The following TTN variants were observed in gnomAD, a reference collection of about 807,000 sequenced individuals.
The protein encoded by TTN is connectin.
A neutral mutation model predicts 3,223.0 loss-of-function variants in TTN; 1,525 were observed. That is an observed-to-expected ratio of 0.47 (90% CI 0.45 to 0.49). The LOEUF is 0.49. TTN is among the 20% of genes least tolerant of loss of function. The pLI is 0.00. For synonymous variants in TTN, 14,094 were observed against 15,161.0 expected (o/e 0.93, Z 5.17); for missense variants, 40,786 against 43,424.0 (o/e 0.94, Z 5.40).
At chr2:178,670,479 C>T (rs929548137) in intron 156 of TTN, among the ~76,000 whole-genome samples, 184 bp from the exon 157 acceptor site, 8 of 151,796 alleles carry the variant, frequency 5.3e-5, no homozygotes, top group Admixed American at 4.6e-4. Flanking sequence ...AACAAAAATC[C>T]AGGGAAATTT....
chr2:178,695,277 ACATTG>A, intron 115 of TTN, 66 bp downstream of exon 115: 6 of 1,225,354 alleles, frequency 4.9e-6, no homozygotes, highest in Non-Finnish European at 7.1e-6. Context: ...GCTGATTTAT[ACATTG>A]CTGCCAAACA....
rs752678561 is a variant in TTN, at chr2:178,738,195, T to C, written c.14258A>G (p.Tyr4753Cys). 2.5e-6 allele frequency: 4 copies of C among 1,613,628 alleles called. No individual in the cohort carries two copies. Among genetic ancestry groups the C allele is most frequent in the South Asian group, 1.1e-5 (1 of 91,084 alleles). ...SDKCSIRSSK[Y>C]ISSLEILRTQ... ...TCTCAGGATTTCAAGGCTGGAGATA[T>C]ACTTTGAAGATCGAATAGAACACTT... is the stretch of plus-strand genomic sequence containing the variant. The change falls in exon 49 of 363, where the codon TAT becomes TGT. Residue 4753 changes from tyrosine to cysteine, a missense_variant. Coordinates refer to ENST00000589042, the MANE Select transcript of TTN (RefSeq NM_001267550.2).
intron 222 of TTN, 82 bp downstream of exon 222, chr2:178,639,966 C>G (rs1469106486): frequency 6.5e-7 from 1 of 1,534,742 alleles, no homozygotes; most frequent in African/African-American, 1.4e-5. Context: ...CTGACTTTCA[C>G]CTACTATCTT....
At chr2:178,706,979 T>TA (rs1173300406) in intron 100 of TTN, 25 bp from the exon 101 acceptor site, 1 of 1,576,406 alleles carries the variant, frequency 6.3e-7, no homozygotes, top group Admixed American at 1.8e-5. Flanking sequence ...ACATGTTTTG[T>TA]TACTACAATC....
rs2154298870 is a variant in TTN, at chr2:178,717,168, A to G, written c.25566T>C (p.Asp8522=). 6.2e-7 allele frequency: 1 copy of G among 1,613,658 alleles called. No homozygotes were observed. Reference sequence around the variant, plus strand: ...TTGCATAGCAGGTGTACTGCCCGGCATCGCCTTTGCCTACTTTGAGAACTG... The same window carrying G: ...TTGCATAGCAGGTGTACTGCCCGGCGTCGCCTTTGCCTACTTTGAGAACTG... ...TLTVLKVGKG[D]AGQYTCYASN... Residue 8522 remains aspartate (D), a synonymous_variant, in exon 88 of 363, where the codon GAT becomes GAC. Coordinates refer to ENST00000589042, the MANE Select transcript of TTN (RefSeq NM_001267550.2).
Position 178,727,613 on chromosome 2 carries a change from G to A in TTN, c.19965C>T (p.Asp6655=). Residue 6655 remains aspartate, a synonymous_variant, in exon 68 of 363, where the codon GAC becomes GAT. Coordinates refer to ENST00000589042, the MANE Select transcript of TTN (RefSeq NM_001267550.2). ...TCACAAGCAACATCGTAGTACAAGA[G>A]TCGCTACCAACATCATTGGTAACAT... The part of the protein sequence containing the change: ...TCHVTNDVGS[D]SCTTMLLVTE... 1.3e-6 allele frequency: 2 copies of A among 1,592,432 alleles called. No individual in the cohort carries two copies. Among genetic ancestry groups the A allele is most frequent in the Non-Finnish European group, 1.7e-6 (2 of 1,169,538 alleles).
At position 178,739,373 on chromosome 2, in the gene TTN, AC is replaced by A. The variant is rs1313938612; in HGVS notation, c.13859del (p.Gly4620ValfsTer10). 1 of 1,613,672 alleles carries A rather than the reference AC, an allele frequency of 6.2e-7. No homozygotes were observed. Among genetic ancestry groups the A allele is most frequent in the Non-Finnish European group, 8.5e-7 (1 of 1,179,804 alleles). ...TGGATGTTGTGAGGTGTACAATATC[AC>A]CTTCCTCAGAAACAGTGTCCACTAA... ...TPLVDTVSEE[G>X]DIVHLTTSIT... On this transcript the variant is annotated frameshift_variant, in exon 48 of 363. Coordinates refer to ENST00000589042, the MANE Select transcript of TTN (RefSeq NM_001267550.2). LOFTEE classifies it high-confidence loss of function.
In TTN at chr2:178,682,769, C is replaced by A. The variant is rs1481967910; in HGVS notation, c.33022G>T (p.Glu11008Ter). The change falls in exon 135 of 363, where the codon GAA becomes TAA. Residue 11008 changes from glutamate (E) to a stop codon, truncating the protein, a stop_gained. Transcript: ENST00000589042. LOFTEE classifies it high-confidence loss of function. ...KEFEEYEPTEEYDQYEEYEER... is the reference protein window; with the variant it reads ...KEFEEYEPTE Reference sequence around the variant, plus strand: ...TCGTATTCTTCATATTGGTCATATTCTTCTGTTGGTTCATACTCCTCAAAT... The same window carrying A: ...TCGTATTCTTCATATTGGTCATATTATTCTGTTGGTTCATACTCCTCAAAT... The A allele has an allele frequency of 6.2e-7, 1 of 1,613,012 alleles. No homozygotes were observed. Among genetic ancestry groups the A allele is most frequent in the Non-Finnish European group, 8.5e-7 (1 of 1,179,268 alleles).
At position 178,712,680 on chromosome 2, in the gene TTN, A is replaced by G; in HGVS notation, c.27328+17T>C. The G allele has an allele frequency of 6.2e-7, 1 of 1,609,848 alleles. No homozygotes were observed. The highest frequency in any genetic ancestry group is 1.3e-5 in the African/African-American group (1 of 74,948). ...TAATTACTAATCGTATAAATCTAGAAGAGCAGTCTGACAAACCTTTTATGT... is the reference window on the plus strand; with the variant it reads ...TAATTACTAATCGTATAAATCTAGAGGAGCAGTCTGACAAACCTTTTATGT... On this transcript the variant is annotated intron_variant, in intron 94 of 362. Coordinates refer to ENST00000589042, the MANE Select transcript of TTN (RefSeq NM_001267550.2).
intron 86 of TTN, 47 bp from the exon 87 acceptor site, chr2:178,717,857 C>A (rs2077730842): frequency 6.3e-7 from 1 of 1,576,810 alleles, no homozygotes; most frequent in Admixed American, 1.8e-5. Context: ...GAGAAGGCAT[C>A]CACAACATAT....
In TTN at chr2:178,545,540, A is replaced by G. The variant is rs1696670937; in HGVS notation, c.95570T>C (p.Val31857Ala). The G allele has an allele frequency of 1.9e-6, 3 of 1,613,588 alleles. No homozygotes were observed. Among genetic ancestry groups the G allele is most frequent in the Non-Finnish European group, 1.7e-6 (2 of 1,179,706 alleles). The change falls in exon 344 of 363, where the codon GTC becomes GCC. Residue 31857 changes from valine (V) to alanine (A), a missense_variant. By Grantham distance (64) the Val-to-Ala change is moderately conservative (BLOSUM62 0). Transcript: ENST00000589042. The stretch of plus-strand genomic sequence containing the variant: ...ATCATACACCACATAGTCTTTGTTG[A>G]CACGTGTCCAGCGCAGGCTCTTCTT... ...REKKSLRWTRVNKDYVVYDTR... is the reference protein window; with the variant it reads ...REKKSLRWTRANKDYVVYDTR...
rs764547102 is a variant in TTN at position 178,629,450 on chromosome 2, G to A, written c.44282-7C>T. 103 of 1,612,490 alleles carry A rather than the reference G, an allele frequency of 6.4e-5. No individual in the cohort carries two copies. The highest frequency in any genetic ancestry group is 5.9e-5 in the Non-Finnish European group (70 of 1,179,146). On this transcript the variant is annotated splice_region_variant and splice_polypyrimidine_tract_variant and intron_variant, in intron 239 of 362. Transcript: ENST00000589042. ...AGAAGACCAATTACTCGTGCTTTTC[G>A]AGAGGGAAGAAACAGCTTTGCGTTA... is the stretch of plus-strand genomic sequence containing the variant.
chr2:178,689,751 T>G (rs1249140472), intron 122 of TTN, 62 bp downstream of exon 122: 43 of 1,523,098 alleles, frequency 2.8e-5, no homozygotes, highest in East Asian at 6.8e-5. Context: ...AACAGATAAT[T>G]AAACACAACA....
Position 178,606,971 on chromosome 2 carries a change from A to C in TTN, c.53581+50T>G, listed in dbSNP as rs550243017. ...GCCATAAAGCTCAGTAAATAATATA[A>C]CTAGAAGCAAAACATTACTCTATAA... On this transcript the variant is annotated intron_variant, in intron 278 of 362. Coordinates refer to ENST00000589042, the MANE Select transcript of TTN (RefSeq NM_001267550.2). 1.2e-4 allele frequency: 186 copies of C among 1,567,594 alleles called. 2 individuals are homozygous for C. The South Asian group carries it at 2.1e-3, about 18-fold the overall frequency.
Position 178,632,408 on chromosome 2 carries a change from G to A in TTN, c.43486C>T (p.Arg14496Trp), listed in dbSNP as rs1347709989. The A allele has an allele frequency of 4.0e-5, 63 of 1,578,578 alleles. No homozygotes were observed. Among genetic ancestry groups the A allele is most frequent in the Non-Finnish European group, 5.2e-5 (61 of 1,166,264 alleles). Residue 14496 changes from arginine to tryptophan, a missense_variant, in exon 236 of 363, where the codon CGG becomes TGG. Arg to Trp is a moderately radical substitution (Grantham distance 101). Coordinates refer to ENST00000589042, the MANE Select transcript of TTN (RefSeq NM_001267550.2). The stretch of plus-strand genomic sequence containing the variant: ...TTGAGAGGGGTGAGGAATTTGAGCC[G>A]GATTCCTATCAAGAAAAAAAAGAAA... ...TSGKLIIEGI[R>W]LKFLTPLKDV...
At position 178,741,930 on chromosome 2, in the gene TTN, G is replaced by C; in HGVS notation, c.11312-9C>G. ...AAAAGAACTAGAAAACTCTGTATGGGGAAAAATGATTATTATTTTACTATA... is the reference window on the plus strand; with the variant it reads ...AAAAGAACTAGAAAACTCTGTATGGCGAAAAATGATTATTATTTTACTATA... On this transcript the variant is annotated splice_polypyrimidine_tract_variant and intron_variant, in intron 47 of 362. Transcript: ENST00000589042. 6.9e-7 allele frequency: 1 copy of C among 1,443,782 alleles called. No homozygotes were observed. The highest frequency in any genetic ancestry group is 9.1e-7 in the Non-Finnish European group (1 of 1,098,654). The allele number at this position is 1,443,782 out of a possible 1,614,324, so 89.4% of individuals were successfully genotyped here.
Position 178,576,220 on chromosome 2 carries a change from AG to A in TTN, c.69911del (p.Pro23304LeufsTer26). The A allele has an allele frequency of 6.2e-7, 1 of 1,612,992 alleles. No homozygotes were observed. The highest frequency in any genetic ancestry group is 8.5e-7 in the Non-Finnish European group (1 of 1,179,402). On this transcript the variant is annotated frameshift_variant, in exon 326 of 363. Coordinates refer to ENST00000589042, the MANE Select transcript of TTN (RefSeq NM_001267550.2). LOFTEE classifies it high-confidence loss of function. The surrounding 1 kb of genome is among the most constrained non-coding windows in gnomAD (Gnocchi z 4.3). ...TALRITQFVV[P>X]DLQTKEKYNF... is the part of the protein sequence containing the mutation. The stretch of plus-strand genomic sequence containing the variant: ...TGTATTTTTCTTTAGTCTGAAGATC[AG>A]GAACAACGAACTGAGTGATTCTGAG...
Position 178,580,543 on chromosome 2 carries a change from ATAG to A in TTN, c.66833_66835del (p.Thr22278del). 3 of 1,612,794 alleles carry A rather than the reference ATAG, an allele frequency of 1.9e-6. No individual in the cohort carries two copies. The highest frequency in any genetic ancestry group is 2.5e-6 in the Non-Finnish European group (3 of 1,179,290). On this transcript the variant is annotated inframe_deletion, in exon 317 of 363. Transcript: ENST00000589042. ...TCCTTTTACTGGTACATATAGTCTCATAGTAACTCCAGCACGTAATATGAGTGT... is the reference window on the plus strand; with the variant it reads ...TCCTTTTACTGGTACATATAGTCTCATAACTCCAGCACGTAATATGAGTGT...
chr2:178,636,369 T>C lies in TTN; in HGVS notation c.41329+29A>G, dbSNP rs764477825. On this transcript the variant is annotated intron_variant, in intron 225 of 362. Transcript: ENST00000589042. This position sits in a 1 kb window ranked among gnomAD's most constrained non-coding sequence, Gnocchi z 4.3. The stretch of plus-strand genomic sequence containing the variant: ...AGGTTTGTTACATTAAAGTTTAATA[T>C]AGATTATGTTCAGAAGACTAGAAAT... 5.8e-6 allele frequency: 9 copies of C among 1,562,308 alleles called. No homozygotes were observed. The highest frequency in any genetic ancestry group is 1.7e-4 in the Middle Eastern group (1 of 5,782).
Sources: gnomAD v4.1 joint callset for allele counts (sites outside exome capture counted in the v4.1 genomes callset) on GRCh38, gnomAD v4.1.1 for gene constraint, Gnocchi (gnomAD v3.1) non-coding constraint, MANE v1.5 for transcripts, NCBI Gene and HGNC (gene_info 2026-07-23, HGNC 2026-07-21) for gene names.